Variants in KCNJ10 observed in about 807,000 individuals in gnomAD.
The protein encoded by KCNJ10 is potassium inwardly rectifying channel subfamily J member 10, also known as ATP-sensitive inward rectifier potassium channel 10.
KCNJ10 carries 9 observed loss-of-function variants against 22.2 expected under a neutral mutation model. The ratio of observed to expected loss-of-function variants is 0.40; its 90% CI spans 0.24 to 0.71. The LOEUF is 0.71. Among genes scored for constraint, KCNJ10 ranks in the 30% least tolerant of loss-of-function variants. The pLI, the probability that KCNJ10 is intolerant of heterozygous loss-of-function variation, is 0.35. For synonymous variants in KCNJ10, 184 were observed against 187.3 expected, an observed-to-expected ratio of 0.98 and a Z score of 0.15; for missense variants, 337 against 482.7, an observed-to-expected ratio of 0.70 and a Z score of 2.83.
rs1557970379 is a variant in KCNJ10, at chr1:160,049,685, A to ATATATATATATATATATATATATATT, written c.1-7154_1-7153insAATATATATATATATATATATATATA. Among the ~76,000 whole-genome samples, 16 of 98,822 alleles carry ATATATATATATATATATATATATATT rather than the reference A, an allele frequency of 1.6e-4. 1 individual carries two copies. The highest frequency in any genetic ancestry group is 6.8e-4 in the African/African-American group (14 of 20,512). The allele number at this position is 98,822 out of a possible 152,430, so 64.8% of individuals were successfully genotyped here. Reference sequence around the variant, plus strand: ...CAGCATTTTATTTATTTATATATATATATATATATATATATATATATATAT... The same window carrying ATATATATATATATATATATATATATT: ...CAGCATTTTATTTATTTATATATATATATATATATATATATATATATATATTTATATATATATATATATATATATAT... On this transcript the variant is annotated intron_variant, in intron 1 of 1. Transcript: ENST00000644903.
intron 1 of KCNJ10, among the ~76,000 whole-genome samples, chr1:160,044,129 T>A (rs1648683012): frequency 6.6e-6 from 1 of 152,038 alleles, no homozygotes; most frequent in Non-Finnish European, 1.5e-5. Context: ...GAATTGGAGA[T>A]CACCAATGGA....
intron 1 of KCNJ10, among the ~76,000 whole-genome samples, chr1:160,053,212 G>A (rs145135420): frequency 6.6e-6 from 1 of 152,142 alleles, no homozygotes; most frequent in South Asian, 2.1e-4. Context: ...CCCCGGCCTC[G>A]GTGGAGAGAG....
In KCNJ10 at chr1:160,058,626, G is replaced by T. The variant is rs76691050; in HGVS notation, c.-1+11396C>A. 8.5e-3 allele frequency among the ~76,000 whole-genome samples: 1,288 copies of T among 152,224 alleles called. 17 individuals carry two copies. Among genetic ancestry groups the T allele is most frequent in the African/African-American group, 0.03 (1,234 of 41,518 alleles). On this transcript the variant is annotated intron_variant, in intron 1 of 1. Transcript: ENST00000644903. ...AGAAATTAGTCTTGGGAGAAAGGATGAATGAAAAGTAGGAAGAAGAGGAGA... is the reference window on the plus strand; with the variant it reads ...AGAAATTAGTCTTGGGAGAAAGGATTAATGAAAAGTAGGAAGAAGAGGAGA...
At position 160,041,603 on chromosome 1, in the gene KCNJ10, C is replaced by T. The variant is rs368793191; in HGVS notation, c.930G>A (p.Glu310=). The change falls in exon 2 of 2, where the codon GAG becomes GAA. Residue 310 remains glutamate (E), a synonymous_variant. Coordinates refer to ENST00000644903, the MANE Select transcript of KCNJ10 (RefSeq NM_002241.5). The surrounding 1 kb of genome is among the most constrained non-coding windows in gnomAD (Gnocchi z 4.4). ...YLPEEILWGY[E]FTPAISLSAS... ...CTGACAGTGAGATGGCAGGTGTGAA[C>T]TCGTAGCCCCAAAGGATCTCCTCTG... 2 of 1,614,044 alleles carry T rather than the reference C, an allele frequency of 1.2e-6. No homozygotes were observed. The highest frequency in any genetic ancestry group is 1.7e-6 in the Non-Finnish European group (2 of 1,180,026).
intron 1 of KCNJ10, among the ~76,000 whole-genome samples, chr1:160,053,716 C>G (rs943832834): frequency 1.3e-5 from 2 of 152,142 alleles, no homozygotes; most frequent in East Asian, 1.9e-4. Context: ...CTCCCATCCT[C>G]TAGCCCCAGC....
intron 1 of KCNJ10, among the ~76,000 whole-genome samples, chr1:160,049,538 C>G (rs1392600499): frequency 6.6e-6 from 1 of 151,382 alleles, no homozygotes; most frequent in African/African-American, 2.4e-5. Context: ...TAAGTAATGC[C>G]TCTCTTTTCT....
intron 1 of KCNJ10, among the ~76,000 whole-genome samples, chr1:160,059,331 AG>A (rs1020759712): frequency 3.3e-5 from 5 of 152,180 alleles, no homozygotes; most frequent in Admixed American, 1.3e-4. Flanking sequence ...GGCCTAGAAG[AG>A]GGGGGTAACT....
At chr1:160,055,898 G>A (rs1649022813) in intron 1 of KCNJ10, among the ~76,000 whole-genome samples, 1 of 152,100 alleles carries the variant, frequency 6.6e-6, no homozygotes, top group African/African-American at 2.4e-5. Context: ...CGTCACCTCT[G>A]CCCTGGGTGT....
intron 1 of KCNJ10, among the ~76,000 whole-genome samples, chr1:160,048,588 C>A (rs770689990): frequency 2.0e-5 from 3 of 152,214 alleles, no homozygotes; most frequent in Non-Finnish European, 2.9e-5. Flanking sequence ...GTTGCAAGAG[C>A]AAGTTGACTG....
At chr1:160,069,015 A>G (rs534614876) in intron 1 of KCNJ10, among the ~76,000 whole-genome samples, 2 of 152,354 alleles carry the variant, frequency 1.3e-5, no homozygotes, top group South Asian at 4.1e-4. Flanking sequence ...CTGGCCAGAC[A>G]TCTTTAGTCA....
At chr1:160,063,581 A>G (rs1488358528) in intron 1 of KCNJ10, 2 of 152,282 alleles carry the variant, frequency 1.3e-5, no homozygotes, top group Admixed American at 6.5e-5. Context: ...ATTGCTGGGG[A>G]AAAGAAAGGT....
rs530085123 is a variant in KCNJ10 at position 160,054,551 on chromosome 1, G to A, written c.1-12019C>T. ...TGCTATTGTTATTCCTGTTGTTACC[G>A]CTAAGACATGCGATGCTGAAAAGGT... On this transcript the variant is annotated intron_variant, in intron 1 of 1. Coordinates refer to ENST00000644903, the MANE Select transcript of KCNJ10 (RefSeq NM_002241.5). Among the ~76,000 whole-genome samples, 32 of 152,308 alleles carry A rather than the reference G, an allele frequency of 2.1e-4. 1 individual carries two copies. The South Asian group carries it at 6.2e-3, about 30-fold the overall frequency.
intron 1 of KCNJ10, among the ~76,000 whole-genome samples, chr1:160,061,760 G>T (rs563673189): frequency 6.9e-6 from 1 of 145,532 alleles, no homozygotes; most frequent in East Asian, 2.1e-4. Flanking sequence ...GGAAAGGGGG[G>T]TGGGGTGGAG....
chr1:160,050,788 G>A (rs1471781338), intron 1 of KCNJ10, among the ~76,000 whole-genome samples: 3 of 152,064 alleles, frequency 2.0e-5, no homozygotes, highest in South Asian at 2.1e-4. Context: ...GTGATGTGCT[G>A]TGACCCCTCA....
chr1:160,068,434 C>A (rs982771564), intron 1 of KCNJ10, among the ~76,000 whole-genome samples: 12 of 152,234 alleles, frequency 7.9e-5, no homozygotes, highest in African/African-American at 2.6e-4. Context: ...GGAGGCTGGA[C>A]CAGCCCAGAT....
At chr1:160,042,571 A>C (rs1284939202) in intron 1 of KCNJ10, 39 bp from the exon 2 acceptor site, 14 of 1,584,266 alleles carry the variant, frequency 8.8e-6, no homozygotes, top group African/African-American at 1.3e-5. Context: ...GTTATCGTAG[A>C]AATCCAGCTG....
intron 1 of KCNJ10, among the ~76,000 whole-genome samples, chr1:160,049,675 T>TTTTTTA (rs1553235648): frequency 2.1e-5 from 1 of 47,096 alleles, no homozygotes; most frequent in African/African-American, 7.1e-5. Context: ...TTTTATTTAT[T>TTTTTTA]TATATATATA....
rs1479777019 is a variant in KCNJ10, at chr1:160,039,239, TCTCA to T, written c.*2150_*2153del. 3 of 152,602 alleles carry T rather than the reference TCTCA, an allele frequency of 2.0e-5. No individual in the cohort carries two copies. Among genetic ancestry groups the T allele is most frequent in the Non-Finnish European group, 4.4e-5 (3 of 68,050 alleles). The allele number at this position is 152,602 out of a possible 1,614,324, so 9.5% of individuals were successfully genotyped here. On this transcript the variant is annotated 3_prime_UTR_variant, in exon 2 of 2. Coordinates refer to ENST00000644903, the MANE Select transcript of KCNJ10 (RefSeq NM_002241.5). ...AAGGGTAAGTCAGAAAATGTTTTCT[TCTCA>T]CTGTTTCATCCAAGAGTCTAGAGGC... is the stretch of plus-strand genomic sequence containing the variant.
At position 160,041,632 on chromosome 1, in the gene KCNJ10, G is replaced by A; in HGVS notation, c.901C>T (p.Leu301=). 6.2e-7 allele frequency: 1 copy of A among 1,614,198 alleles called. No homozygotes were observed. Reference sequence around the variant, plus strand: ...TAGCCCCAAAGGATCTCCTCTGGCAGGTAGGAAGTGCGCACCTGACAGGTG... The same window carrying A: ...TAGCCCCAAAGGATCTCCTCTGGCAAGTAGGAAGTGCGCACCTGACAGGTG... ...SATCQVRTSY[L]PEEILWGYEF... Residue 301 remains leucine (L), a synonymous_variant, in exon 2 of 2, where the codon CTG becomes TTG. Coordinates refer to ENST00000644903, the MANE Select transcript of KCNJ10 (RefSeq NM_002241.5). The surrounding 1 kb of genome is among the most constrained non-coding windows in gnomAD (Gnocchi z 4.4).
Sources: gnomAD v4.1 joint callset for allele counts (sites outside exome capture counted in the v4.1 genomes callset) on GRCh38, gnomAD v4.1.1 for gene constraint, Gnocchi (gnomAD v3.1) non-coding constraint, MANE v1.5 for transcripts, NCBI Gene and HGNC (gene_info 2026-07-23, HGNC 2026-07-21) for gene names.